The following RANBP2 variants were observed in gnomAD, a reference collection of about 807,000 sequenced individuals.
RANBP2 encodes the protein E3 SUMO-protein ligase RanBP2.
In RANBP2, 57 loss-of-function variants were observed where a neutral mutation model predicts 303.6. The ratio of observed to expected loss-of-function variants is 0.19; its 90% CI spans 0.15 to 0.23. The LOEUF is 0.23. RANBP2 is among the 10% of genes least tolerant of loss of function. The pLI is 1.00. For synonymous variants in RANBP2, 1,167 were observed against 1,301.5 expected (o/e 0.90, Z 2.23); for missense variants, 3,138 against 3,780.8 (o/e 0.83, Z 4.46).
chr2:109,251,619 C>G, the RANBP2 span: 1 of 1,325,252 alleles, frequency 7.5e-7, no homozygotes, highest in Admixed American at 1.7e-5. Context: ...GAAATAGTAT[C>G]ATCATGTTAG....
the RANBP2 span, among the ~76,000 whole-genome samples, chr2:109,393,779 T>G: frequency 6.6e-6 from 1 of 152,036 alleles, no homozygotes; most frequent in Non-Finnish European, 1.5e-5. Context: ...TACTTTGCGC[T>G]GTTTTTCTTT....
chr2:109,677,724 C>A, the RANBP2 span, among the ~76,000 whole-genome samples: 2 of 152,166 alleles, frequency 1.3e-5, no homozygotes, highest in African/African-American at 4.8e-5. Flanking sequence ...CCCTCGTGAA[C>A]CAAATTGTCG....
the RANBP2 span, among the ~76,000 whole-genome samples, chr2:108,814,901 G>A: frequency 6.6e-6 from 1 of 151,880 alleles, no homozygotes; most frequent in Admixed American, 6.6e-5. Context: ...CTCCCAAAGT[G>A]CTGGGATTAT....
chr2:109,422,827 T>A, the RANBP2 span, among the ~76,000 whole-genome samples: 1 of 152,096 alleles, frequency 6.6e-6, no homozygotes, highest in Admixed American at 6.5e-5. Flanking sequence ...CACTGCCTGA[T>A]GTGAAGGACC....
intron 25 of RANBP2, among the ~76,000 whole-genome samples, chr2:108,777,833 C>A (rs987117807): frequency 6.6e-6 from 1 of 152,006 alleles, no homozygotes; most frequent in African/African-American, 2.4e-5. Context: ...CTTTATAGCA[C>A]CCCTTAAATA....
rs1417119380 is a variant in RANBP2 at position 108,726,840 on chromosome 2, C to T, written c.73-2292C>T. Among the ~76,000 whole-genome samples, 21 of 151,926 alleles carry T rather than the reference C, an allele frequency of 1.4e-4. No homozygotes were observed. The South Asian group carries it at 2.3e-3, about 17-fold the overall frequency. ...ATTAGGGAGTGGTGATGACTCTTAA[C>T]GAGCATGCTGCCTTCAAGCATCTGT... is the stretch of plus-strand genomic sequence containing the variant. On this transcript the variant is annotated intron_variant, in intron 1 of 28. Transcript: ENST00000283195.
chr2:108,813,269 A>AAG, the RANBP2 span, among the ~76,000 whole-genome samples: 2 of 150,940 alleles, frequency 1.3e-5, no homozygotes, highest in Non-Finnish European at 1.5e-5. Flanking sequence ...AAAAAAAAAA[A>AAG]AAAGAAAATT....
the RANBP2 span, chr2:109,124,299 C>A: frequency 6.6e-6 from 1 of 152,244 alleles, no homozygotes; most frequent in East Asian, 1.9e-4. Flanking sequence ...CTCAGCCTCC[C>A]AAGTAGCTGA....
chr2:109,040,884 T>A, the RANBP2 span, among the ~76,000 whole-genome samples: 1 of 151,968 alleles, frequency 6.6e-6, no homozygotes, highest in Non-Finnish European at 1.5e-5. Context: ...TGAAACCCCG[T>A]ATCTACTAAA....
chr2:108,788,682 T>G (rs1679369857), downstream of RANBP2: 2 of 457,096 alleles, frequency 4.4e-6, no homozygotes, highest in Admixed American at 6.4e-5. Flanking sequence ...ATTGCGCCAC[T>G]GCACTCCAGC....
At chr2:109,247,170 A>T in the RANBP2 span, among the ~76,000 whole-genome samples, 1 of 152,320 alleles carries the variant, frequency 6.6e-6, no homozygotes, top group Admixed American at 6.5e-5. Context: ...GGGTTTGCAG[A>T]GGACAAGGAA....
At chr2:109,576,788 C>T in the RANBP2 span, among the ~76,000 whole-genome samples, 5 of 151,320 alleles carry the variant, frequency 3.3e-5, no homozygotes, top group Non-Finnish European at 7.4e-5. Context: ...ATACTCTGGA[C>T]AAAAAGATAA....
the RANBP2 span, among the ~76,000 whole-genome samples, chr2:109,495,612 C>G: frequency 7.3e-6 from 1 of 137,790 alleles, no homozygotes; most frequent in Non-Finnish European, 1.6e-5. Flanking sequence ...CCCAGCTTCC[C>G]AAGTAGCTGG....
the RANBP2 span, among the ~76,000 whole-genome samples, chr2:109,596,418 CCATCCTGGCTAA>C: frequency 8.6e-5 from 13 of 151,988 alleles, no homozygotes; most frequent in East Asian, 2.5e-3. Context: ...GAGATCAAGA[CCATCCTGGCTAA>C]CACAGTGAAA....
At chr2:109,051,752 CTT>C in the RANBP2 span, among the ~76,000 whole-genome samples, 24 of 140,846 alleles carry the variant, frequency 1.7e-4, no homozygotes, top group Admixed American at 1.4e-4. Context: ...TTTCTAAGTT[CTT>C]TTTTTTTTTT....
At chr2:109,063,860 C>T in the RANBP2 span, among the ~76,000 whole-genome samples, 1 of 151,194 alleles carries the variant, frequency 6.6e-6, no homozygotes, top group Non-Finnish European at 1.5e-5. Flanking sequence ...TTTCCCCTTC[C>T]CATAATACTA....
the RANBP2 span, among the ~76,000 whole-genome samples, chr2:109,330,554 A>G: frequency 4.9e-4 from 75 of 152,288 alleles, no homozygotes; most frequent in Non-Finnish European, 2.4e-4. Flanking sequence ...CAGGCCTGGC[A>G]CAGACAAGAT....
the RANBP2 span, among the ~76,000 whole-genome samples, chr2:109,153,269 A>G: frequency 6.6e-6 from 1 of 152,190 alleles, no homozygotes; most frequent in Admixed American, 6.5e-5. Context: ...CTTGAAGGGA[A>G]TGTAGGTGTT....
chr2:109,181,369 G>A, the RANBP2 span, among the ~76,000 whole-genome samples: 1 of 152,126 alleles, frequency 6.6e-6, no homozygotes, highest in African/African-American at 2.4e-5. Flanking sequence ...GTTTTACCAG[G>A]GTTTCAGCAG....
Sources: allele counts gnomAD v4.1 joint callset (sites outside exome capture counted in the v4.1 genomes callset), GRCh38; gene constraint gnomAD v4.1.1; transcripts MANE v1.5; gene names NCBI Gene and HGNC (gene_info 2026-07-23, HGNC 2026-07-21).